Variants in DNAH11 observed in about 807,000 individuals in gnomAD.
DNAH11 encodes dynein axonemal heavy chain 11, also known as axonemal beta dynein heavy chain 11.
In DNAH11, 442 loss-of-function variants were observed where a neutral mutation model predicts 526.0. That is an observed-to-expected ratio of 0.84 (90% CI 0.78 to 0.91). The LOEUF is 0.91. Ranked by LOEUF, DNAH11 falls within the 40% of genes least tolerant of loss-of-function variation. The pLI, the probability that DNAH11 is intolerant of heterozygous loss-of-function variation, is 0.00. For synonymous variants in DNAH11, 2,461 were observed against 1,935.9 expected (o/e 1.27, Z -7.12); for missense variants, 6,989 against 5,448.7 (o/e 1.28, Z -8.90).
intron 65 of DNAH11, among the ~76,000 whole-genome samples, chr7:21,826,470 G>A (rs184717981): frequency 2.0e-5 from 3 of 152,204 alleles, no homozygotes; most frequent in Admixed American, 2.0e-4. Context: ...TAATAATAGA[G>A]CTACTGATTT....
Position 21,873,345 on chromosome 7 carries a change from C to G in DNAH11, c.12039C>G (p.His4013Gln). ...KLLERFSQGSHRDYRVFMSAE... is the reference protein window; with the variant it reads ...KLLERFSQGSQRDYRVFMSAE... ...TTGAAAGATTCAGCCAAGGAAGCCA[C>G]AGAGATTACAGGGTTTTCATGAGTG... The change falls in exon 74 of 82, where the codon CAC (histidine) becomes CAG (glutamine). Residue 4013 changes from histidine (H) to glutamine (Q), a missense_variant. Coordinates refer to ENST00000409508, the MANE Select transcript of DNAH11 (RefSeq NM_001277115.2). The G allele has an allele frequency of 6.2e-7, 1 of 1,613,230 alleles. No individual in the cohort carries two copies. The highest frequency in any genetic ancestry group is 8.5e-7 in the Non-Finnish European group (1 of 1,179,572).
chr7:21,868,864 G>A lies in DNAH11; in HGVS notation c.11840G>A (p.Gly3947Asp). 4 of 1,613,852 alleles carry A rather than the reference G, an allele frequency of 2.5e-6. No homozygotes were observed. Among genetic ancestry groups the A allele is most frequent in the Non-Finnish European group, 3.4e-6 (4 of 1,179,830 alleles). The change falls in exon 73 of 82, where the codon GGC becomes GAC. Residue 3947 changes from glycine (G) to aspartate (D), a missense_variant and splice_region_variant. Transcript: ENST00000409508. ...CTCACCGTGGTGTATTCTCCCACAG[G>A]CAAAAGACTTGGCTTTACAATTGAC... Reference protein sequence around the residue: ...VDALKDLEILGKRLGFTIDSG... With the variant: ...VDALKDLEILDKRLGFTIDSG...
intron 68 of DNAH11, among the ~76,000 whole-genome samples, chr7:21,855,714 C>A (rs186272659): frequency 3.9e-5 from 6 of 152,246 alleles, no homozygotes; most frequent in Admixed American, 2.6e-4. Flanking sequence ...ATCTGTTCAT[C>A]CGTTTTTAGA....
chr7:21,787,466 A>C lies in DNAH11; in HGVS notation c.9807A>C (p.Lys3269Asn), dbSNP rs1562545337. Residue 3269 changes from lysine (K) to asparagine (N), a missense_variant, in exon 60 of 82, where the codon AAA becomes AAC. Transcript: ENST00000409508. ...DKEHIPENCL[K>N]VVNEHYLKDP... ...AGCACATTCCAGAGAACTGTCTAAA[A>C]GTGGTGAATGAACACTATTTGAAAG... 6.2e-7 allele frequency: 1 copy of C among 1,613,844 alleles called. No individual in the cohort carries two copies. Among genetic ancestry groups the C allele is most frequent in the Non-Finnish European group, 8.5e-7 (1 of 1,179,768 alleles).
intron 14 of DNAH11, among the ~76,000 whole-genome samples, chr7:21,595,754 G>T (rs1185380976): frequency 2.6e-5 from 4 of 151,676 alleles, no homozygotes; most frequent in Non-Finnish European, 5.9e-5. Context: ...AATGAAGGAG[G>T]AGTGGATGGC....
At chr7:21,692,283 A>G (rs1229354201) in intron 35 of DNAH11, among the ~76,000 whole-genome samples, 1 of 152,206 alleles carries the variant, frequency 6.6e-6, no homozygotes, top group Admixed American at 6.5e-5. Context: ...AAGCATAACC[A>G]CAATCAAAGT....
chr7:21,695,573 C>T (rs567677870), intron 35 of DNAH11, among the ~76,000 whole-genome samples: 2 of 152,168 alleles, frequency 1.3e-5, no homozygotes, highest in African/African-American at 4.8e-5. Flanking sequence ...CTTCCTTACA[C>T]CTTACACAAA....
intron 7 of DNAH11, among the ~76,000 whole-genome samples, 157 bp from the exon 8 acceptor site, chr7:21,571,645 TTTAA>T (rs1370313962): frequency 5.3e-5 from 8 of 152,212 alleles, no homozygotes; most frequent in Non-Finnish European, 1.5e-5. Flanking sequence ...AATGACTTTG[TTTAA>T]TTAAATACTT....
chr7:21,694,961 C>A (rs1783786202), intron 35 of DNAH11, among the ~76,000 whole-genome samples: 1 of 152,154 alleles, frequency 6.6e-6, no homozygotes, highest in Non-Finnish European at 1.5e-5. Context: ...TGATGATGAA[C>A]TTTTTTTCAT....
intron 58 of DNAH11, among the ~76,000 whole-genome samples, chr7:21,786,220 A>G (rs938319412): frequency 7.9e-5 from 12 of 152,052 alleles, no homozygotes; most frequent in Admixed American, 2.6e-4. Flanking sequence ...TTAAGGAATT[A>G]TGTGTCTGGG....
chr7:21,681,746 G>T (rs1196532680), intron 31 of DNAH11, 69 bp downstream of exon 31: 1 of 1,584,358 alleles, frequency 6.3e-7, no homozygotes, highest in African/African-American at 1.3e-5. Flanking sequence ...TGCCAGAGTA[G>T]TTCCAAGAAA....
chr7:21,831,140 G>C (rs559588715), intron 65 of DNAH11, among the ~76,000 whole-genome samples: 1 of 152,276 alleles, frequency 6.6e-6, no homozygotes, highest in South Asian at 2.1e-4. Flanking sequence ...TCTGTTTTAA[G>C]AAAGTAGCCA....
chr7:21,823,663 A>G (rs1790150678), intron 65 of DNAH11, among the ~76,000 whole-genome samples: 2 of 152,178 alleles, frequency 1.3e-5, no homozygotes, highest in African/African-American at 4.8e-5. Flanking sequence ...ATCATATACT[A>G]TATGCCTTTA....
At position 21,617,685 on chromosome 7, in the gene DNAH11, A is replaced by G. The variant is rs1230599261; in HGVS notation, c.4162A>G (p.Lys1388Glu). 6 of 1,613,892 alleles carry G rather than the reference A, an allele frequency of 3.7e-6. No homozygotes were observed. The South Asian group carries it at 5.5e-5, about 15-fold the overall frequency. ...TTACACGGGCCTGGAAGGCACAGTT[A>G]AGGACATGACAGCCTCCCTGAGGGC... ...DAYTGLEGTV[K>E]DMTASLRAIT... Residue 1388 changes from lysine (K) to glutamate (E), a missense_variant, in exon 23 of 82, where the codon AAG (lysine) becomes GAG (glutamate). By Grantham distance (56) the Lys-to-Glu change is moderately conservative (BLOSUM62 1). Coordinates refer to ENST00000409508, the MANE Select transcript of DNAH11 (RefSeq NM_001277115.2).
intron 67 of DNAH11, among the ~76,000 whole-genome samples, chr7:21,853,174 T>A (rs1026520191): frequency 6.6e-6 from 1 of 152,234 alleles, no homozygotes; most frequent in Non-Finnish European, 1.5e-5. Flanking sequence ...CCTGCTAATG[T>A]CCAACATGGG....
rs2072221 is a variant in DNAH11, at chr7:21,735,825, G to T, written c.7626G>T (p.Thr2542=). ...IVSRVPFNYY[T]TSTALQKILE... is the part of the protein sequence containing the mutation. ...CCCGTGTGCCTTTCAACTACTACACGACATCCACAGCTCTGCAAAGTAAGT... is the reference window on the plus strand; with the variant it reads ...CCCGTGTGCCTTTCAACTACTACACTACATCCACAGCTCTGCAAAGTAAGT... The change falls in exon 46 of 82, where the codon ACG becomes ACT. Residue 2542 remains threonine, a synonymous_variant. Transcript: ENST00000409508. The T allele has an allele frequency of 2.3e-3, 3,646 of 1,610,756 alleles. 67 individuals are homozygous for T. In the African/African-American group the frequency reaches 0.042, roughly 18 times the overall value.
chr7:21,673,294 G>A (rs1782718251), intron 30 of DNAH11, among the ~76,000 whole-genome samples: 1 of 152,170 alleles, frequency 6.6e-6, no homozygotes, highest in Non-Finnish European at 1.5e-5. Flanking sequence ...ATAACTGTGT[G>A]ATCTCAGGCA....
intron 45 of DNAH11, among the ~76,000 whole-genome samples, chr7:21,734,267 A>G (rs1340803133): frequency 1.3e-5 from 2 of 152,356 alleles, no homozygotes; most frequent in Non-Finnish European, 2.9e-5. Context: ...GTCTTATGAC[A>G]TTATACATGT....
At chr7:21,736,826 A>C (rs1308941347) in intron 46 of DNAH11, among the ~76,000 whole-genome samples, 1 of 152,212 alleles carries the variant, frequency 6.6e-6, no homozygotes, top group African/African-American at 2.4e-5. Context: ...CCTGTCCCCC[A>C]AAAAGAGCCA....
Sources: gnomAD v4.1 joint callset for allele counts (sites outside exome capture counted in the v4.1 genomes callset) on GRCh38, gnomAD v4.1.1 for gene constraint, MANE v1.5 for transcripts, NCBI Gene and HGNC (gene_info 2026-07-23, HGNC 2026-07-21) for gene names.